The following FGFRL1 variants were observed in gnomAD, a reference collection of about 807,000 sequenced individuals.
FGFRL1 encodes the protein fibroblast growth factor receptor like 1.
A neutral mutation model predicts 36.8 loss-of-function variants in FGFRL1; 24 were observed. The ratio of observed to expected loss-of-function variants is 0.65; its 90% CI spans 0.47 to 0.92. The LOEUF (loss-of-function observed/expected upper bound fraction) is 0.92. Ranked by LOEUF, FGFRL1 falls within the 40% of genes least tolerant of loss-of-function variation. FGFRL1 has a pLI of 0.00. For missense variants in FGFRL1, 785 were observed against 753.4 expected (o/e 1.04, Z -0.49); for synonymous variants, 422 against 344.1 (o/e 1.23, Z -2.50).
intron 2 of FGFRL1, among the ~76,000 whole-genome samples, chr4:1,014,841 G>A (rs2153025322): frequency 6.6e-6 from 1 of 152,320 alleles, no homozygotes; most frequent in African/African-American, 2.4e-5. Flanking sequence ...CCCCACTCCT[G>A]GAAGGGAAAA....
chr4:1,023,784 G>T lies in FGFRL1; in HGVS notation c.434-33G>T. 1 of 1,562,600 alleles carries T rather than the reference G, an allele frequency of 6.4e-7. No individual in the cohort carries two copies. The highest frequency in any genetic ancestry group is 8.7e-7 in the Non-Finnish European group (1 of 1,153,736). The stretch of plus-strand genomic sequence containing the variant: ...GTCCCGGCCCCTTGGCTGCATCCCC[G>T]TCCTCTGACCTCCACGCCACCCCAC... On this transcript the variant is annotated intron_variant, in intron 4 of 6. Coordinates refer to ENST00000510644, the MANE Select transcript of FGFRL1 (RefSeq NM_001004356.3). This position sits in a 1 kb window ranked among gnomAD's most constrained non-coding sequence, Gnocchi z 6.0.
intron 2 of FGFRL1, among the ~76,000 whole-genome samples, chr4:1,017,474 C>T (rs1386392280): frequency 6.6e-6 from 1 of 152,336 alleles, no homozygotes; most frequent in Admixed American, 6.5e-5. Flanking sequence ...CAGCATCAGC[C>T]CCTGCCGCAG....
In FGFRL1 at chr4:1,023,659, A is replaced by T; in HGVS notation, c.371A>T (p.Lys124Met). 1 of 1,600,614 alleles carries T rather than the reference A, an allele frequency of 6.2e-7. No individual in the cohort carries two copies. Among genetic ancestry groups the T allele is most frequent in the Non-Finnish European group, 8.5e-7 (1 of 1,175,426 alleles). The change falls in exon 4 of 7, where the codon AAG (lysine) becomes ATG (methionine). Residue 124 changes from lysine (K) to methionine (M), a missense_variant. By Grantham distance (95) the Lys-to-Met change is moderately conservative (BLOSUM62 -1). Coordinates refer to ENST00000510644, the MANE Select transcript of FGFRL1 (RefSeq NM_001004356.3). This position sits in a 1 kb window ranked among gnomAD's most constrained non-coding sequence, Gnocchi z 6.0. The stretch of plus-strand genomic sequence containing the variant: ...TCTGCAGATGACATTAGCCCAGGGA[A>T]GGAGAGCCTGGGGCCCGACAGCTCC... Reference protein sequence around the residue: ...LVVLDDISPGKESLGPDSSSG... With the variant: ...LVVLDDISPGMESLGPDSSSG...
At chr4:1,019,907 C>T (rs1282282560) in intron 2 of FGFRL1, among the ~76,000 whole-genome samples, 1 of 152,240 alleles carries the variant, frequency 6.6e-6, no homozygotes, top group Non-Finnish European at 1.5e-5. Context: ...CTCAGCCCAC[C>T]CTTTGTGTTT....
intron 2 of FGFRL1, among the ~76,000 whole-genome samples, chr4:1,014,709 G>A (rs1243223442): frequency 2.6e-5 from 4 of 152,220 alleles, no homozygotes; most frequent in Non-Finnish European, 4.4e-5. Flanking sequence ...TTCCTCCCTC[G>A]CCCCAGGCCC....
At chr4:1,021,362 G>A (rs1359901646) in intron 2 of FGFRL1, among the ~76,000 whole-genome samples, 2 of 152,076 alleles carry the variant, frequency 1.3e-5, no homozygotes, top group East Asian at 1.9e-4. Context: ...CACAGGTGGT[G>A]GGAGGACATA....
chr4:1,024,741 G>T, intron 6 of FGFRL1, 77 bp downstream of exon 6: 4 of 1,478,266 alleles, frequency 2.7e-6, no homozygotes, highest in African/African-American at 2.8e-5. Context: ...CACCCACCGG[G>T]TGGGGCCCCA....
chr4:1,020,342 C>T (rs1260779962), intron 2 of FGFRL1, among the ~76,000 whole-genome samples: 3 of 152,058 alleles, frequency 2.0e-5, no homozygotes, highest in Non-Finnish European at 2.9e-5. Flanking sequence ...TGCCTGCGGC[C>T]GCCTCTCCGA....
rs1303890599 is a variant in FGFRL1 at position 1,023,330 on chromosome 4, G to A, written c.353-311G>A. Among the ~76,000 whole-genome samples the A allele has an allele frequency of 1.3e-5, 2 of 152,098 alleles. No homozygotes were observed. The highest frequency in any genetic ancestry group is 4.8e-5 in the African/African-American group (2 of 41,414). On this transcript the variant is annotated intron_variant, in intron 3 of 6. Coordinates refer to ENST00000510644, the MANE Select transcript of FGFRL1 (RefSeq NM_001004356.3). This position sits in a 1 kb window ranked among gnomAD's most constrained non-coding sequence, Gnocchi z 6.0. ...CCCTCGGCCCCTTGATGTAGGCTAG[G>A]GTTACTGCAGCTGCTGGCCGGGCCC...
At position 1,023,764 on chromosome 4, in the gene FGFRL1, G is replaced by C; in HGVS notation, c.433+43G>C. ...GGGGTGGGGGGCGTCCGTCTGTCCC[G>C]GCCCCTTGGCTGCATCCCCGTCCTC... On this transcript the variant is annotated intron_variant, in intron 4 of 6. Transcript: ENST00000510644. This position sits in a 1 kb window ranked among gnomAD's most constrained non-coding sequence, Gnocchi z 6.0. 1.3e-6 allele frequency: 2 copies of C among 1,550,732 alleles called. No homozygotes were observed. The highest frequency in any genetic ancestry group is 2.4e-5 in the South Asian group (2 of 82,504).
chr4:1,024,447 G>C lies in FGFRL1; in HGVS notation c.855G>C (p.Glu285Asp). 6.2e-7 allele frequency: 1 copy of C among 1,612,540 alleles called. No homozygotes were observed. The highest frequency in any genetic ancestry group is 8.5e-7 in the Non-Finnish European group (1 of 1,179,838). Reference sequence around the variant, plus strand: ...TGATCCAGTGGCTGAAGCGCGTGGAGTACGGCGCCGAGGGCCGCCACAACT... The same window carrying C: ...TGATCCAGTGGCTGAAGCGCGTGGACTACGGCGCCGAGGGCCGCCACAACT... ...KPVIQWLKRV[E>D]YGAEGRHNST... Residue 285 changes from glutamate (E) to aspartate (D), a missense_variant, in exon 6 of 7, where the codon GAG (glutamate) becomes GAC (aspartate). By Grantham distance (45) the Glu-to-Asp change is conservative (BLOSUM62 2). Coordinates refer to ENST00000510644, the MANE Select transcript of FGFRL1 (RefSeq NM_001004356.3).
chr4:1,023,340 G>A lies in FGFRL1; in HGVS notation c.353-301G>A, dbSNP rs1397516121. Reference sequence around the variant, plus strand: ...CTTGATGTAGGCTAGGGTTACTGCAGCTGCTGGCCGGGCCCGGCTCCCTCC... The same window carrying A: ...CTTGATGTAGGCTAGGGTTACTGCAACTGCTGGCCGGGCCCGGCTCCCTCC... On this transcript the variant is annotated intron_variant, in intron 3 of 6. Coordinates refer to ENST00000510644, the MANE Select transcript of FGFRL1 (RefSeq NM_001004356.3). This position sits in a 1 kb window ranked among gnomAD's most constrained non-coding sequence, Gnocchi z 6.0. 6.6e-6 allele frequency among the ~76,000 whole-genome samples: 1 copy of A among 152,038 alleles called. No homozygotes were observed. Among genetic ancestry groups the A allele is most frequent in the African/African-American group, 2.4e-5 (1 of 41,404 alleles).
Position 1,025,697 on chromosome 4 carries a change from C to T in FGFRL1, c.*350C>T, listed in dbSNP as rs1287131141. On this transcript the variant is annotated 3_prime_UTR_variant, in exon 7 of 7. Coordinates refer to ENST00000510644, the MANE Select transcript of FGFRL1 (RefSeq NM_001004356.3). The stretch of plus-strand genomic sequence containing the variant: ...CAAGGACATGCTGCCTGAACATACA[C>T]ACGCACACCCATGCGCAGATGTGCT... The T allele has an allele frequency of 5.2e-6, 2 of 388,292 alleles. No individual in the cohort carries two copies. The highest frequency in any genetic ancestry group is 1.0e-4 in the East Asian group (2 of 20,010). 24.1% of individuals were successfully genotyped at this position (388,292 alleles called of 1,614,324 possible). A position where few individuals can be genotyped will look rare whatever the true frequency, so the allele number is the denominator to read the frequency against.
Position 1,023,372 on chromosome 4 carries a change from G to C in FGFRL1, c.353-269G>C, listed in dbSNP as rs1313697716. On this transcript the variant is annotated intron_variant, in intron 3 of 6. Coordinates refer to ENST00000510644, the MANE Select transcript of FGFRL1 (RefSeq NM_001004356.3). The surrounding 1 kb of genome is among the most constrained non-coding windows in gnomAD (Gnocchi z 6.0). ...GCCGGGCCCGGCTCCCTCCTCCCCC[G>C]GGGCCTGCAGACCCCCCGGAGCCAG... 6.6e-6 allele frequency among the ~76,000 whole-genome samples: 1 copy of C among 152,134 alleles called. No individual in the cohort carries two copies. The highest frequency in any genetic ancestry group is 1.9e-4 in the East Asian group (1 of 5,174).
rs746826540 is a variant in FGFRL1 at position 1,025,528 on chromosome 4, G to A, written c.*181G>A. On this transcript the variant is annotated 3_prime_UTR_variant, in exon 7 of 7. Transcript: ENST00000510644. ...ACACACACAGACACACACACTGCCT[G>A]GATGCATGTATGCACACACATGCGC... 1 of 731,256 alleles carries A rather than the reference G, an allele frequency of 1.4e-6. No individual in the cohort carries two copies. Among genetic ancestry groups the A allele is most frequent in the Non-Finnish European group, 2.2e-6 (1 of 452,160 alleles). The allele number at this position is 731,256 out of a possible 1,614,324, so 45.3% of individuals were successfully genotyped here. A position where few individuals can be genotyped will look rare whatever the true frequency, so the allele number is the denominator to read the frequency against.
intron 5 of FGFRL1, 45 bp downstream of exon 5, chr4:1,024,146 C>T (rs1277794566): frequency 2.6e-5 from 11 of 426,600 alleles, no homozygotes; most frequent in Middle Eastern, 7.5e-4. Flanking sequence ...TGCTGGTGGG[C>T]GGGGGCGCTG....
chr4:1,013,535 C>T (rs116465905), intron 2 of FGFRL1, among the ~76,000 whole-genome samples: 2 of 131,282 alleles, frequency 1.5e-5, no homozygotes, highest in Non-Finnish European at 3.3e-5. Flanking sequence ...AGCACCCCCC[C>T]CTACCCCCCG....
In FGFRL1 at chr4:1,025,115, G is replaced by A. The variant is rs1490964364; in HGVS notation, c.1283G>A (p.Gly428Glu). 6.2e-7 allele frequency: 1 copy of A among 1,611,350 alleles called. No individual in the cohort carries two copies. Among genetic ancestry groups the A allele is most frequent in the African/African-American group, 1.3e-5 (1 of 74,908 alleles). ...CCGGGGACGGCCCGCGACCGCAGCG[G>A]AGACAAGGACCTTCCCTCGTTGGCC... ...RPPGTARDRS[G>E]DKDLPSLAAL... The change falls in exon 7 of 7, where the codon GGA (glycine) becomes GAA (glutamate). Residue 428 changes from glycine (G) to glutamate (E), a missense_variant. By Grantham distance (98) the Gly-to-Glu change is moderately conservative. Transcript: ENST00000510644.
At chr4:1,012,644 A>G (rs1715660736) in intron 2 of FGFRL1, 80 bp downstream of exon 2, 1 of 564,756 alleles carries the variant, frequency 1.8e-6, no homozygotes, top group Admixed American at 4.5e-5. Context: ...ACCCTGCCAC[A>G]GTGCCCGCCT....
Sources: gnomAD v4.1 joint callset for allele counts (sites outside exome capture counted in the v4.1 genomes callset) on GRCh38, gnomAD v4.1.1 for gene constraint, Gnocchi (gnomAD v3.1) non-coding constraint, MANE v1.5 for transcripts, NCBI Gene and HGNC (gene_info 2026-07-23, HGNC 2026-07-21) for gene names.